The following SLC5A6 variants were observed in gnomAD, a reference collection of about 807,000 sequenced individuals.
SLC5A6 encodes solute carrier family 5 member 6.
Under a neutral mutation model 67.9 loss-of-function variants are expected in SLC5A6, and 31 were observed. The observed-to-expected ratio is 0.46, with a 90% CI of 0.34 to 0.62. The LOEUF (loss-of-function observed/expected upper bound fraction) is 0.62. SLC5A6 is among the 20% of genes least tolerant of loss of function. The probability of loss-of-function intolerance (pLI) is 0.01; values close to 1 mark genes in which losing one functional copy is unlikely to be tolerated. For synonymous variants in SLC5A6, 343 were observed against 331.0 expected (o/e 1.04, Z -0.39); for missense variants, 673 against 812.8 (o/e 0.83, Z 2.09).
At position 27,206,018 on chromosome 2, in the gene SLC5A6, G is replaced by A. The variant is rs764075683; in HGVS notation, c.579+8C>T. On this transcript the variant is annotated splice_region_variant and intron_variant, in intron 6 of 16. Transcript: ENST00000310574. ...TCCCCTCCCCACACCACGGCTTACT[G>A]CACTTACCAGAGCTGTATAGACGGT... 1 of 1,608,992 alleles carries A rather than the reference G, an allele frequency of 6.2e-7. No homozygotes were observed. The highest frequency in any genetic ancestry group is 8.5e-7 in the Non-Finnish European group (1 of 1,175,648).
At chr2:27,202,783 A>T in intron 12 of SLC5A6, 30 bp downstream of exon 12, 1 of 1,592,262 alleles carries the variant, frequency 6.3e-7, no homozygotes, top group Non-Finnish European at 8.6e-7. Flanking sequence ...CTCTCCCTTA[A>T]AATTGCTTCC....
At chr2:27,211,966 C>CCCCGCCCCCCTG in intron 1 of SLC5A6, 54 bp downstream of exon 1, 1 of 475,572 alleles carries the variant, frequency 2.1e-6, no homozygotes. Context: ...CCCGCGGGGG[C>CCCCGCCCCCCTG]CCCGCCCCCT....
intron 4 of SLC5A6, 84 bp from the exon 5 acceptor site, chr2:27,206,618 C>A: frequency 7.9e-7 from 1 of 1,269,722 alleles, no homozygotes; most frequent in South Asian, 1.2e-5. Context: ...CGCCAATATG[C>A]CCATGGCTTC....
At position 27,207,024 on chromosome 2, in the gene SLC5A6, A is replaced by C. The variant is rs75833798; in HGVS notation, c.394-82T>G. On this transcript the variant is annotated intron_variant, in intron 3 of 16. Coordinates refer to ENST00000310574, the MANE Select transcript of SLC5A6 (RefSeq NM_021095.4). This position sits in a 1 kb window ranked among gnomAD's most constrained non-coding sequence, Gnocchi z 5.5. Reference sequence around the variant, plus strand: ...AAATTCCCTCAAGATGCTCAGGAACATGAGGGAATATCCAACCCATACCCA... The same window carrying C: ...AAATTCCCTCAAGATGCTCAGGAACCTGAGGGAATATCCAACCCATACCCA... 1.6e-6 allele frequency: 2 copies of C among 1,255,590 alleles called. No individual in the cohort carries two copies. The highest frequency in any genetic ancestry group is 2.3e-6 in the Non-Finnish European group (2 of 853,720). The allele number at this position is 1,255,590 out of a possible 1,614,324, so 77.8% of individuals were successfully genotyped here. A position where few individuals can be genotyped will look rare whatever the true frequency, so the allele number is the denominator to read the frequency against.
At chr2:27,206,317 T>G (rs1674061622) in intron 5 of SLC5A6, 166 bp downstream of exon 5, 1 of 717,166 alleles carries the variant, frequency 1.4e-6, no homozygotes, top group African/African-American at 1.8e-5. Flanking sequence ...TCAATTGAGG[T>G]GGACCAAGCC....
At chr2:27,212,599 C>T, upstream of SLC5A6, 1 of 1,442,852 alleles carries the variant, frequency 6.9e-7, no homozygotes, top group Admixed American at 2.9e-5. Flanking sequence ...CCCGACCCTG[C>T]CCAGCCAGGT....
At chr2:27,202,503 C>CAAAAAAAAAA (rs10638396) in intron 12 of SLC5A6, among the ~76,000 whole-genome samples, 7 of 72,288 alleles carry the variant, frequency 9.7e-5, no homozygotes, top group Non-Finnish European at 1.2e-4. Context: ...GACTCTGTCT[C>CAAAAAAAAAA]AAAAAAAAAA....
intron 2 of SLC5A6, chr2:27,208,582 G>A (rs1674247331): frequency 6.5e-6 from 1 of 152,904 alleles, no homozygotes; most frequent in Non-Finnish European, 1.5e-5. Flanking sequence ...GCCAAAGAGA[G>A]TGGTCGTATC....
chr2:27,207,579 G>A lies in SLC5A6; in HGVS notation c.72C>T (p.Phe24=), dbSNP rs572871112. Residue 24 remains phenylalanine, a synonymous_variant, in exon 3 of 17, where the codon TTC becomes TTT. Transcript: ENST00000310574. The surrounding 1 kb of genome is among the most constrained non-coding windows in gnomAD (Gnocchi z 5.5). ...TSGTSVGMST[F]SIMDYVVFVL... is the part of the protein sequence containing the mutation. Reference sequence around the variant, plus strand: ...CGAACACCACATAGTCCATGATGGAGAAGGTAGACATGCCCACGCTTGTGC... The same window carrying A: ...CGAACACCACATAGTCCATGATGGAAAAGGTAGACATGCCCACGCTTGTGC... 2 of 1,614,246 alleles carry A rather than the reference G, an allele frequency of 1.2e-6. No individual in the cohort carries two copies. The highest frequency in any genetic ancestry group is 1.7e-6 in the Non-Finnish European group (2 of 1,180,028).
chr2:27,209,118 C>T (rs1349190260), intron 2 of SLC5A6, among the ~76,000 whole-genome samples: 1 of 152,214 alleles, frequency 6.6e-6, no homozygotes, highest in Non-Finnish European at 1.5e-5. Context: ...GATAAACACG[C>T]TAAGGCTCAG....
intron 7 of SLC5A6, 81 bp from the exon 8 acceptor site, chr2:27,205,012 A>C (rs1673949937): frequency 1.3e-6 from 2 of 1,550,412 alleles, no homozygotes; most frequent in African/African-American, 2.7e-5. Flanking sequence ...GAGTCAGTGG[A>C]CAGGAAAGGA....
rs201078481 is a variant in SLC5A6 at position 27,207,596 on chromosome 2, C to T, written c.55G>A (p.Val19Met). ...ATGATGGAGAAGGTAGACATGCCCA[C>T]GCTTGTGCCCGAGGTTGGGGAAAGA... The part of the protein sequence containing the change: ...APLSPTSGTS[V>M]GMSTFSIMDY... Residue 19 changes from valine to methionine, a missense_variant, in exon 3 of 17, where the codon GTG becomes ATG. Val to Met is a conservative substitution (Grantham distance 21, BLOSUM62 1). Transcript: ENST00000310574. The surrounding 1 kb of genome is among the most constrained non-coding windows in gnomAD (Gnocchi z 5.5). 4.0e-5 allele frequency: 64 copies of T among 1,614,228 alleles called. No homozygotes were observed. Among genetic ancestry groups the T allele is most frequent in the Non-Finnish European group, 5.3e-5 (63 of 1,180,018 alleles).
Position 27,201,695 on chromosome 2 carries a change from G to A in SLC5A6, c.1515C>T (p.Thr505=). Residue 505 remains threonine (T), a synonymous_variant, in exon 14 of 17, where the codon ACC becomes ACT. Transcript: ENST00000310574. ...LPTNLTVATV[T]TLMPLTTFSK... is the part of the protein sequence containing the mutation. ...AGAAGGTAGTCAAGGGCATCAGTGT[G>A]GTCACAGTGGCAACGGTTAGATTGG... 6.2e-7 allele frequency: 1 copy of A among 1,614,150 alleles called. No homozygotes were observed. The highest frequency in any genetic ancestry group is 8.5e-7 in the Non-Finnish European group (1 of 1,179,974).
intron 2 of SLC5A6, among the ~76,000 whole-genome samples, chr2:27,210,959 G>A (rs1674443581): frequency 6.6e-6 from 1 of 152,164 alleles, no homozygotes; most frequent in South Asian, 2.1e-4. Flanking sequence ...GCGAGGCGGA[G>A]CTTGCAGTGA....
In SLC5A6 at chr2:27,201,807, A is replaced by T; in HGVS notation, c.1403T>A (p.Phe468Tyr). ...VGLLAGLVMA[F>Y]WIGIGSIVTS... ...CACGATGCTCCCGATGCCAATCCAG[A>T]AGGCCATGACGAGCCCAGCCAACAG... The change falls in exon 14 of 17, where the codon TTC becomes TAC. Residue 468 changes from phenylalanine to tyrosine, a missense_variant. Transcript: ENST00000310574. The T allele has an allele frequency of 6.2e-7, 1 of 1,614,164 alleles. No individual in the cohort carries two copies. Among genetic ancestry groups the T allele is most frequent in the Non-Finnish European group, 8.5e-7 (1 of 1,180,022 alleles).
chr2:27,203,378 G>C lies in SLC5A6; in HGVS notation c.1095-33C>G, dbSNP rs367991084. ...AGAGGAAGAGGATGAGGAGTTGAGCGAGGCAAAATTGTCAGCTCTATGGGA... is the reference window on the plus strand; with the variant it reads ...AGAGGAAGAGGATGAGGAGTTGAGCCAGGCAAAATTGTCAGCTCTATGGGA... On this transcript the variant is annotated intron_variant, in intron 10 of 16. Transcript: ENST00000310574. 1.7e-5 allele frequency: 27 copies of C among 1,603,060 alleles called. No individual in the cohort carries two copies. The South Asian group carries it at 3.0e-4, about 18-fold the overall frequency.
chr2:27,207,300 G>A lies in SLC5A6; in HGVS notation c.351C>T (p.Phe117=), dbSNP rs537795789. 8 of 1,614,082 alleles carry A rather than the reference G, an allele frequency of 5.0e-6. No individual in the cohort carries two copies. In the African/African-American group the frequency reaches 5.3e-5, roughly 11 times the overall value. The change falls in exon 3 of 17, where the codon TTC becomes TTT. Residue 117 remains phenylalanine (F), a synonymous_variant. Transcript: ENST00000310574. This position sits in a 1 kb window ranked among gnomAD's most constrained non-coding sequence, Gnocchi z 5.5. ...GATGCAGGCGGTAGAAAACGGGGAT[G>A]AAGATGTGTGCAGGTATCAGCAGCC... is the stretch of plus-strand genomic sequence containing the variant. ...FLGLLIPAHI[F]IPVFYRLHLT... is the part of the protein sequence containing the mutation.
At position 27,207,567 on chromosome 2, in the gene SLC5A6, G is replaced by A; in HGVS notation, c.84C>T (p.Asp28=). The stretch of plus-strand genomic sequence containing the variant: ...CCAGCAGCAGGACGAACACCACATA[G>A]TCCATGATGGAGAAGGTAGACATGC... ...SVGMSTFSIM[D]YVVFVLLLVL... The change falls in exon 3 of 17, where the codon GAC becomes GAT. Residue 28 remains aspartate, a synonymous_variant. Transcript: ENST00000310574. The surrounding 1 kb of genome is among the most constrained non-coding windows in gnomAD (Gnocchi z 5.5). 1 of 1,614,264 alleles carries A rather than the reference G, an allele frequency of 6.2e-7. No individual in the cohort carries two copies. Among genetic ancestry groups the A allele is most frequent in the South Asian group, 1.1e-5 (1 of 91,090 alleles).
At chr2:27,210,432 C>G (rs1282207130) in intron 2 of SLC5A6, among the ~76,000 whole-genome samples, 1 of 151,592 alleles carries the variant, frequency 6.6e-6, no homozygotes, top group Non-Finnish European at 1.5e-5. Flanking sequence ...TGTGGGACCC[C>G]CCCCCCTTTT....
Sources: allele counts gnomAD v4.1 joint callset (sites outside exome capture counted in the v4.1 genomes callset), GRCh38; gene constraint gnomAD v4.1.1; non-coding constraint Gnocchi (gnomAD v3.1); transcripts MANE v1.5; gene names NCBI Gene and HGNC (gene_info 2026-07-23, HGNC 2026-07-21).